DMD: variants seen among roughly 807,000 people sequenced by gnomAD.
The protein encoded by DMD is dystrophin, also known as mutant dystrophin.
In DMD, 63 loss-of-function variants were observed where a neutral mutation model predicts 330.1. That is an observed-to-expected ratio of 0.19 (90% CI 0.16 to 0.24). The LOEUF is 0.24. DMD is among the 10% of genes least tolerant of loss of function. The probability of loss-of-function intolerance (pLI) is 1.00; values close to 1 mark genes in which losing one functional copy is unlikely to be tolerated. For synonymous variants in DMD, 1,223 were observed against 959.8 expected (o/e 1.27, Z -5.07); for missense variants, 3,344 against 2,684.1 (o/e 1.25, Z -5.43).
At chrX:32,128,296 G>A (rs2096671628) in intron 44 of DMD, among the ~76,000 whole-genome samples, 1 of 111,682 alleles carries the variant, frequency 9.0e-6, no homozygotes, top group South Asian at 3.7e-4. Flanking sequence ...AATATTTTAT[G>A]TAACAAATGC....
intron 7 of DMD, among the ~76,000 whole-genome samples, chrX:32,751,724 C>A: frequency 8.9e-6 from 1 of 112,073 alleles, no homozygotes. Context: ...TTGTGGCAGC[C>A]CCTCCCATCA....
intron 44 of DMD, among the ~76,000 whole-genome samples, chrX:31,976,086 G>A (rs145721700): frequency 0.033 from 3,631 of 110,189 alleles, 62 homozygotes; most frequent in Non-Finnish European, 0.052. Context: ...GGAGGAGCCC[G>A]GGAATAGAAG....
At chrX:32,744,164 A>G (rs1405733186) in intron 7 of DMD, among the ~76,000 whole-genome samples, 1 of 109,188 alleles carries the variant, frequency 9.2e-6, no homozygotes, top group African/African-American at 3.3e-5. Flanking sequence ...TTCTGCAACC[A>G]TCTTCTAGGA....
At chrX:31,678,807 G>A (rs1175380219) in intron 53 of DMD, among the ~76,000 whole-genome samples, 8 of 111,727 alleles carry the variant, frequency 7.2e-5, no homozygotes, top group Admixed American at 3.8e-4. Flanking sequence ...ACATAAATAC[G>A]TATACCAATT....
intron 50 of DMD, among the ~76,000 whole-genome samples, chrX:31,778,564 A>ATT (rs1169948478): frequency 1.5e-5 from 1 of 67,881 alleles, no homozygotes. Flanking sequence ...GAAGTCCTGA[A>ATT]ATTTTTTTTT....
Position 32,206,873 on chromosome X carries a change from A to T in DMD, c.6438+10043T>A, listed in dbSNP as rs965652905. 6.7e-5 allele frequency: 21 copies of T among 311,820 alleles called. 1 individual carries two copies. The highest frequency in any genetic ancestry group is 1.6e-4 in the South Asian group (4 of 25,660). 25.7% of individuals were successfully genotyped at this position (311,820 alleles called of 1,213,427 possible). On this transcript the variant is annotated intron_variant, in intron 44 of 78. Transcript: ENST00000357033. Reference sequence around the variant, plus strand: ...GTTTGATAAATGTTGTCCAGATTCCATTGCCAAGAATGTGTTGTCCAAAAT... The same window carrying T: ...GTTTGATAAATGTTGTCCAGATTCCTTTGCCAAGAATGTGTTGTCCAAAAT...
intron 1 of DMD, among the ~76,000 whole-genome samples, chrX:33,299,065 T>C (rs1178271584): frequency 8.9e-6 from 1 of 112,188 alleles, no homozygotes; most frequent in Non-Finnish European, 1.9e-5. Flanking sequence ...ATGAAACTCA[T>C]CATTATTAAA....
At chrX:31,638,265 C>T (rs752102421) in intron 54 of DMD, among the ~76,000 whole-genome samples, 227 of 111,691 alleles carry the variant, frequency 2.0e-3, no homozygotes, top group Middle Eastern at 4.6e-3. Flanking sequence ...TGCCTTAAAA[C>T]GCATCCTGTC....
intron 59 of DMD, among the ~76,000 whole-genome samples, chrX:31,475,408 C>T (rs895821138): frequency 8.9e-6 from 1 of 111,838 alleles, no homozygotes; most frequent in South Asian, 3.7e-4. Context: ...TTATGCTGTA[C>T]ACATTCTCTT....
intron 43 of DMD, among the ~76,000 whole-genome samples, chrX:32,269,425 A>G (rs1166841993): frequency 2.7e-5 from 3 of 111,936 alleles, no homozygotes; most frequent in African/African-American, 9.8e-5. Context: ...TTTCTGCTCT[A>G]AAGTTTTTAA....
chrX:33,082,972 C>A (rs1300931090), intron 1 of DMD, among the ~76,000 whole-genome samples: 1 of 112,021 alleles, frequency 8.9e-6, no homozygotes, highest in African/African-American at 3.3e-5. Context: ...ATTAGTCTCA[C>A]AAATCCTTCT....
intron 49 of DMD, among the ~76,000 whole-genome samples, chrX:31,830,265 G>T (rs1279581247): frequency 8.9e-6 from 1 of 112,692 alleles, no homozygotes; most frequent in Non-Finnish European, 1.9e-5. Context: ...AACTTAAAAA[G>T]CAGAAAGAAT....
chrX:32,544,242 C>A (rs1615277), intron 17 of DMD, among the ~76,000 whole-genome samples: 34,176 of 110,145 alleles, frequency 0.31, 4,346 homozygotes, highest in East Asian at 0.54. Context: ...AAGTACTAAA[C>A]ATCCCAAATA....
At chrX:31,161,179 T>C (rs150749983) in intron 74 of DMD, among the ~76,000 whole-genome samples, 11 of 111,783 alleles carry the variant, frequency 9.8e-5, no homozygotes, top group Non-Finnish European at 2.1e-4. Flanking sequence ...AAAACAATGA[T>C]GTTTCTTTAG....
intron 1 of DMD, among the ~76,000 whole-genome samples, chrX:33,333,089 G>A (rs372487484): frequency 3.6e-5 from 4 of 110,565 alleles, no homozygotes; most frequent in South Asian, 3.9e-4. Context: ...GGGTAGAGCC[G>A]TCCTCTTACC....
At chrX:33,335,510 C>T (rs2054239777) in intron 1 of DMD, among the ~76,000 whole-genome samples, 2 of 110,585 alleles carry the variant, frequency 1.8e-5, no homozygotes, top group South Asian at 3.8e-4. Flanking sequence ...TTTTATGAAC[C>T]TTAGCTTAGG....
chrX:32,264,412 A>G (rs1304585395), intron 43 of DMD, among the ~76,000 whole-genome samples: 1 of 111,749 alleles, frequency 8.9e-6, no homozygotes, highest in Non-Finnish European at 1.9e-5. Flanking sequence ...TTGGTACCAC[A>G]GAGAGTGGGA....
chrX:31,478,309 T>C lies in DMD; in HGVS notation c.8734A>G (p.Asn2912Asp), dbSNP rs1800278. The C allele has an allele frequency of 0.015, 17,829 of 1,209,467 alleles. 198 individuals carry two copies. The highest frequency in any genetic ancestry group is 0.071 in the African/African-American group (4,047 of 57,003). The change falls in exon 59 of 79, where the codon AAT (asparagine) becomes GAT (aspartate). Residue 2912 changes from asparagine to aspartate, a missense_variant. By Grantham distance (23) the Asn-to-Asp change is conservative. Coordinates refer to ENST00000357033, the MANE Select transcript of DMD (RefSeq NM_004006.3). Reference sequence around the variant, plus strand: ...AGGTTCAATTTTTCCCACTCAGTATTGACCTCCTCAGCCTGCTTTCGTAGA... The same window carrying C: ...AGGTTCAATTTTTCCCACTCAGTATCGACCTCCTCAGCCTGCTTTCGTAGA... ...RLLRKQAEEV[N>D]TEWEKLNLHS...
In DMD at chrX:32,447,543, T is replaced by C. The variant is rs202157325; in HGVS notation, c.3786+913A>G. On this transcript the variant is annotated intron_variant, in intron 27 of 78. Coordinates refer to ENST00000357033, the MANE Select transcript of DMD (RefSeq NM_004006.3). ...TTTTAAAATATTTTTAAAGGTGTAC[T>C]TTATTATTGATCTGAATCGTATCTT... 6.3e-5 allele frequency among the ~76,000 whole-genome samples: 7 copies of C among 111,781 alleles called. No homozygotes were observed. In the East Asian group the frequency reaches 2.0e-3, roughly 31 times the overall value.
Sources: gnomAD v4.1 joint callset for allele counts (sites outside exome capture counted in the v4.1 genomes callset) on GRCh38, gnomAD v4.1.1 for gene constraint, MANE v1.5 for transcripts, NCBI Gene and HGNC (gene_info 2026-07-23, HGNC 2026-07-21) for gene names.